RAB39A: variants seen among roughly 807,000 people sequenced by gnomAD.
The protein encoded by RAB39A is RAB39A, member RAS oncogene family.
In RAB39A, 17 loss-of-function variants were observed where a neutral mutation model predicts 20.9. The ratio of observed to expected loss-of-function variants is 0.81; its 90% CI spans 0.56 to 1.22. The LOEUF is 1.22. Ranked by LOEUF, RAB39A falls within the 50% of genes most tolerant of loss-of-function variation. The pLI is 0.00. For missense variants in RAB39A, 234 were observed against 270.5 expected, an observed-to-expected ratio of 0.87 and a Z score of 0.95; for synonymous variants, 99 against 103.4, an observed-to-expected ratio of 0.96 and a Z score of 0.26.
rs1861396210 is a variant in RAB39A, at chr11:107,952,934, T to C, written c.228-9012T>C. 4.6e-5 allele frequency among the ~76,000 whole-genome samples: 7 copies of C among 152,154 alleles called. No individual in the cohort carries two copies. The South Asian group carries it at 1.5e-3, about 32-fold the overall frequency. On this transcript the variant is annotated intron_variant, in intron 1 of 1. Transcript: ENST00000320578. Reference sequence around the variant, plus strand: ...AACAAGCCAATCAGAGAAGGACAAATACCGTATGATTCCACCTATACATGA... The same window carrying C: ...AACAAGCCAATCAGAGAAGGACAAACACCGTATGATTCCACCTATACATGA...
At chr11:107,943,280 A>G (rs1045582700) in intron 1 of RAB39A, among the ~76,000 whole-genome samples, 1 of 152,132 alleles carries the variant, frequency 6.6e-6, no homozygotes, top group African/African-American at 2.4e-5. Flanking sequence ...AGATGAAATT[A>G]ATCAGGACAG....
intron 1 of RAB39A, among the ~76,000 whole-genome samples, chr11:107,934,407 C>T (rs1436904470): frequency 6.6e-6 from 1 of 152,070 alleles, no homozygotes; most frequent in East Asian, 1.9e-4. Context: ...GCACTCCAGC[C>T]TGGGTGACAG....
chr11:107,946,460 ATTTTTTTTTTTTT>A (rs869125579), intron 1 of RAB39A, among the ~76,000 whole-genome samples: 2 of 15,762 alleles, frequency 1.3e-4, no homozygotes, highest in African/African-American at 4.7e-4. Context: ...ATATATATAT[ATTTTTTTTTTTTT>A]TTTTTTTTTT....
chr11:107,951,439 T>C (rs185325512), intron 1 of RAB39A, among the ~76,000 whole-genome samples: 1 of 152,242 alleles, frequency 6.6e-6, no homozygotes, highest in East Asian at 1.9e-4. Context: ...TAAATGCCTA[T>C]TTTACAGTTG....
intron 1 of RAB39A, among the ~76,000 whole-genome samples, chr11:107,938,229 G>T (rs1408941721): frequency 6.6e-6 from 1 of 151,708 alleles, no homozygotes; most frequent in Non-Finnish European, 1.5e-5. Context: ...CGGTTATGGT[G>T]CACACCTGTA....
chr11:107,945,456 A>G (rs972803099), intron 1 of RAB39A, among the ~76,000 whole-genome samples: 1 of 152,158 alleles, frequency 6.6e-6, no homozygotes, highest in Admixed American at 6.5e-5. Flanking sequence ...ATCCCTGAAC[A>G]AGGAAAACAG....
intron 1 of RAB39A, among the ~76,000 whole-genome samples, chr11:107,934,779 A>G (rs1357860323): frequency 4.6e-5 from 7 of 151,814 alleles, no homozygotes; most frequent in Admixed American, 1.3e-4. Flanking sequence ...AAATACAAAA[A>G]TTAGCCAGGC....
intron 1 of RAB39A, among the ~76,000 whole-genome samples, chr11:107,960,892 C>T (rs543538763): frequency 2.6e-5 from 4 of 152,274 alleles, no homozygotes; most frequent in South Asian, 4.1e-4. Context: ...CTCCAGCCAG[C>T]GCCTCCCATT....
chr11:107,943,374 A>C (rs1460869767), intron 1 of RAB39A, among the ~76,000 whole-genome samples: 3 of 152,032 alleles, frequency 2.0e-5, no homozygotes, highest in Admixed American at 2.0e-4. Flanking sequence ...GATTGAGACC[A>C]TCCTGGCTAA....
At chr11:107,944,527 C>T (rs1861290408) in intron 1 of RAB39A, among the ~76,000 whole-genome samples, 1 of 151,998 alleles carries the variant, frequency 6.6e-6, no homozygotes, top group African/African-American at 2.4e-5. Context: ...GCTGGGATTA[C>T]AGGTGCGTGC....
intron 1 of RAB39A, among the ~76,000 whole-genome samples, chr11:107,953,200 A>T (rs768756910): frequency 1.3e-5 from 2 of 152,308 alleles, no homozygotes; most frequent in South Asian, 2.1e-4. Flanking sequence ...AGTTTTTTTT[A>T]AAAACTGAAC....
At chr11:107,934,482 T>C (rs1244121567) in intron 1 of RAB39A, among the ~76,000 whole-genome samples, 1 of 152,090 alleles carries the variant, frequency 6.6e-6, no homozygotes, top group Non-Finnish European at 1.5e-5. Context: ...CTAAGGAGTA[T>C]AATTTGGGAA....
chr11:107,945,955 T>TGGA (rs1181913364), intron 1 of RAB39A, among the ~76,000 whole-genome samples: 1 of 152,068 alleles, frequency 6.6e-6, no homozygotes, highest in East Asian at 1.9e-4. Context: ...GTGCTGGCAG[T>TGGA]CAAGCCTTCA....
chr11:107,959,228 T>C (rs1423488419), intron 1 of RAB39A, among the ~76,000 whole-genome samples: 2 of 152,214 alleles, frequency 1.3e-5, no homozygotes, highest in African/African-American at 4.8e-5. Context: ...ACAAAAGGCA[T>C]TTTTAAAATA....
In RAB39A at chr11:107,961,983, G is replaced by A; in HGVS notation, c.265G>A (p.Gly89Arg). ...TRSYYRNSVG[G>R]FLVFDITNRR... ...ATCTTATTACCGCAACTCAGTTGGT[G>A]GATTTTTAGTATTTGACATTACTAA... The change falls in exon 2 of 2, where the codon GGA becomes AGA. Residue 89 changes from glycine to arginine, a missense_variant. Physicochemically the swap from Gly to Arg is moderately radical, Grantham distance 125 (BLOSUM62 -2). Transcript: ENST00000320578. 6.2e-7 allele frequency: 1 copy of A among 1,613,020 alleles called. No individual in the cohort carries two copies. Among genetic ancestry groups the A allele is most frequent in the Non-Finnish European group, 8.5e-7 (1 of 1,179,122 alleles).
intron 1 of RAB39A, 136 bp from the exon 2 acceptor site, chr11:107,961,810 A>T: frequency 1.4e-6 from 1 of 705,600 alleles, no homozygotes; most frequent in Non-Finnish European, 2.3e-6. Context: ...CACTTGAGAT[A>T]CCTCATATTT....
chr11:107,953,702 G>A (rs1861405219), intron 1 of RAB39A, among the ~76,000 whole-genome samples: 1 of 152,190 alleles, frequency 6.6e-6, no homozygotes, highest in South Asian at 2.1e-4. Flanking sequence ...GGAATTGTGA[G>A]AGGCACCATC....
chr11:107,935,328 T>C (rs1457959519), intron 1 of RAB39A, among the ~76,000 whole-genome samples: 1 of 152,002 alleles, frequency 6.6e-6, no homozygotes, highest in Non-Finnish European at 1.5e-5. Flanking sequence ...TGAGGAGATG[T>C]GCTCTCTGCC....
Position 107,962,468 on chromosome 11 carries a change from A to G in RAB39A, c.*96A>G. Reference sequence around the variant, plus strand: ...CAGAATGATGCAATGAAAGAATTTAAAAAGGTTACAAACCCACACCAATAC... The same window carrying G: ...CAGAATGATGCAATGAAAGAATTTAGAAAGGTTACAAACCCACACCAATAC... On this transcript the variant is annotated 3_prime_UTR_variant, in exon 2 of 2. Transcript: ENST00000320578. The G allele has an allele frequency of 8.4e-7, 1 of 1,183,492 alleles. No homozygotes were observed. Among genetic ancestry groups the G allele is most frequent in the Non-Finnish European group, 1.2e-6 (1 of 854,650 alleles). The allele number at this position is 1,183,492 out of a possible 1,614,324, so 73.3% of individuals were successfully genotyped here.
Sources: allele counts gnomAD v4.1 joint callset (sites outside exome capture counted in the v4.1 genomes callset), GRCh38; gene constraint gnomAD v4.1.1; transcripts MANE v1.5; gene names NCBI Gene and HGNC (gene_info 2026-07-23, HGNC 2026-07-21).